Variants in TUSC3 observed in about 807,000 individuals in gnomAD.
The protein encoded by TUSC3 is tumor suppressor candidate 3, also known as dolichyl-diphosphooligosaccharide--protein glycosyltransferase subunit TUSC3.
Under a neutral mutation model 44.8 loss-of-function variants are expected in TUSC3, and 45 were observed. The ratio of observed to expected loss-of-function variants is 1.00; its 90% confidence interval spans 0.79 to 1.29. The LOEUF (loss-of-function observed/expected upper bound fraction) is 1.29, where lower values mean the gene tolerates loss of function less well. Among genes scored for constraint, TUSC3 ranks in the 50% most tolerant of loss-of-function variants. The pLI is 0.00. For synonymous variants in TUSC3, 212 were observed against 152.9 expected, an observed-to-expected ratio of 1.39 and a Z score of -2.85; for missense variants, 519 against 437.9, an observed-to-expected ratio of 1.19 and a Z score of -1.65.
downstream of TUSC3, among the ~76,000 whole-genome samples, chr8:15,766,806 C>T (rs1018743500): frequency 4.6e-5 from 7 of 152,058 alleles, no homozygotes; most frequent in Non-Finnish European, 8.8e-5. Flanking sequence ...GCAAACCTCC[C>T]TAAGGGTACG....
At chr8:15,626,939 C>G (rs1805536568) in intron 2 of TUSC3, among the ~76,000 whole-genome samples, 1 of 150,984 alleles carries the variant, frequency 6.6e-6, no homozygotes, top group African/African-American at 2.4e-5. Flanking sequence ...TGGAAGGGTC[C>G]TGATGAAACC....
chr8:15,687,674 G>T lies in TUSC3; in HGVS notation c.798+13838G>T, dbSNP rs139486418. 4.0e-3 allele frequency among the ~76,000 whole-genome samples: 610 copies of T among 152,186 alleles called. 4 individuals are homozygous for T. Among genetic ancestry groups the T allele is most frequent in the African/African-American group, 0.014 (585 of 41,514 alleles). On this transcript the variant is annotated intron_variant, in intron 6 of 10. Transcript: ENST00000503731. ...CCTTCAACTGTTGCTGCCTATCTAT[G>T]ATCCTGCCAATTAATTACAACGAAG...
chr8:15,745,591 TTGTC>T (rs1478212690), intron 8 of TUSC3, among the ~76,000 whole-genome samples: 2 of 152,166 alleles, frequency 1.3e-5, no homozygotes, highest in East Asian at 1.9e-4. Flanking sequence ...TACTGGCCAC[TTGTC>T]TGTCTTTTAA....
At chr8:15,526,071 C>T (rs185704260) in intron 2 of TUSC3, among the ~76,000 whole-genome samples, 23 of 151,836 alleles carry the variant, frequency 1.5e-4, no homozygotes, top group Non-Finnish European at 1.2e-4. Flanking sequence ...CTCCCTTTGT[C>T]GTCCAGGCTG....
chr8:15,746,682 C>A (rs1811430574), intron 8 of TUSC3, among the ~76,000 whole-genome samples: 1 of 151,872 alleles, frequency 6.6e-6, no homozygotes, highest in South Asian at 2.1e-4. Flanking sequence ...GAGCACAACC[C>A]AATGGGGCTA....
chr8:15,807,283 TA>T, the TUSC3 span: 1 of 573,120 alleles, frequency 1.7e-6, no homozygotes, highest in Non-Finnish European at 3.2e-6. Context: ...ATGGTCCCAT[TA>T]TGTCATAATC....
intron 1 of TUSC3, among the ~76,000 whole-genome samples, chr8:15,584,062 C>T (rs1408783364): frequency 1.3e-5 from 2 of 151,148 alleles, no homozygotes; most frequent in African/African-American, 4.9e-5. Context: ...TGTAATCAAA[C>T]ACAGCAGCTT....
the TUSC3 span, among the ~76,000 whole-genome samples, chr8:15,805,088 T>G: frequency 2.0e-5 from 3 of 152,118 alleles, no homozygotes; most frequent in African/African-American, 7.2e-5. Flanking sequence ...TTTGTGTGTG[T>G]GGCAACTGTA....
chr8:15,581,469 A>G (rs1803330804), intron 1 of TUSC3, among the ~76,000 whole-genome samples: 1 of 147,300 alleles, frequency 6.8e-6, no homozygotes, highest in African/African-American at 2.6e-5. Context: ...TTGGTCTTTG[A>G]TGATGGTGAT....
At chr8:15,463,151 C>T (rs1295627570) in intron 1 of TUSC3, among the ~76,000 whole-genome samples, 4 of 151,800 alleles carry the variant, frequency 2.6e-5, no homozygotes, top group South Asian at 2.1e-4. Flanking sequence ...TGTTTTGATC[C>T]GTAAAAACAT....
At chr8:15,670,476 G>A (rs1230040466) in intron 5 of TUSC3, among the ~76,000 whole-genome samples, 1 of 151,702 alleles carries the variant, frequency 6.6e-6, no homozygotes, top group African/African-American at 2.4e-5. Context: ...ATATTGCCGA[G>A]CCAACTGGAT....
intron 1 of TUSC3, among the ~76,000 whole-genome samples, chr8:15,425,302 C>T (rs1251944968): frequency 6.6e-6 from 1 of 152,160 alleles, no homozygotes; most frequent in Non-Finnish European, 1.5e-5. Flanking sequence ...TTGCCAACCT[C>T]CACAGTTGTG....
intron 1 of TUSC3, among the ~76,000 whole-genome samples, chr8:15,589,303 A>C (rs1187802642): frequency 6.6e-6 from 1 of 152,150 alleles, no homozygotes. Context: ...ATTTAAAACT[A>C]TTTACATTTT....
the TUSC3 span, among the ~76,000 whole-genome samples, chr8:15,840,838 A>G: frequency 4.5e-4 from 68 of 152,324 alleles, no homozygotes; most frequent in African/African-American, 1.5e-3. Flanking sequence ...AAATTTATGC[A>G]GTCCCTAAGC....
intron 2 of TUSC3, among the ~76,000 whole-genome samples, chr8:15,522,967 T>C (rs952012608): frequency 3.9e-5 from 6 of 152,112 alleles, no homozygotes; most frequent in African/African-American, 1.4e-4. Context: ...TGAAAACCAA[T>C]GCGAAGATGC....
At chr8:15,738,969 A>G (rs1811064136) in intron 7 of TUSC3, among the ~76,000 whole-genome samples, 1 of 150,988 alleles carries the variant, frequency 6.6e-6, no homozygotes, top group Admixed American at 6.6e-5. Flanking sequence ...AGCAGCTGGC[A>G]CCACAGGCAC....
At chr8:15,703,099 C>T (rs1809471811) in intron 6 of TUSC3, among the ~76,000 whole-genome samples, 2 of 151,990 alleles carry the variant, frequency 1.3e-5, no homozygotes, top group African/African-American at 2.4e-5. Context: ...ATGTTGATTC[C>T]CCAAATGATT....
chr8:15,497,267 C>T (rs1800895309), intron 2 of TUSC3, among the ~76,000 whole-genome samples: 1 of 152,126 alleles, frequency 6.6e-6, no homozygotes, highest in South Asian at 2.1e-4. Context: ...GTCCCAATTC[C>T]CACCGGGTGA....
At chr8:15,424,635 C>G (rs1304578690) in intron 1 of TUSC3, among the ~76,000 whole-genome samples, 1 of 152,118 alleles carries the variant, frequency 6.6e-6, no homozygotes, top group Non-Finnish European at 1.5e-5. Flanking sequence ...AATCCCAGCA[C>G]TCTGGGAGGC....
Sources: gnomAD v4.1 joint callset for allele counts (sites outside exome capture counted in the v4.1 genomes callset) on GRCh38, gnomAD v4.1.1 for gene constraint, MANE v1.5 for transcripts, NCBI Gene and HGNC (gene_info 2026-07-23, HGNC 2026-07-21) for gene names.